PRLR: variants seen among roughly 807,000 people sequenced by gnomAD.
PRLR encodes the protein hPRL receptor.
Under a neutral mutation model 40.2 loss-of-function variants are expected in PRLR, and 13 were observed. The observed-to-expected ratio is 0.32, with a 90% confidence interval of 0.21 to 0.51. The LOEUF (loss-of-function observed/expected upper bound fraction) is 0.51, where lower values mean the gene tolerates loss of function less well. PRLR is among the 20% of genes least tolerant of loss of function. The pLI is 0.97. For missense variants in PRLR, 656 were observed against 747.3 expected (o/e 0.88, Z 1.42); for synonymous variants, 269 against 278.7 (o/e 0.97, Z 0.35).
chr5:35,122,891 T>C (rs1306775000), intron 1 of PRLR, among the ~76,000 whole-genome samples: 1 of 152,100 alleles, frequency 6.6e-6, no homozygotes, highest in Non-Finnish European at 1.5e-5. Flanking sequence ...AATTACAAAA[T>C]CTTGATTGAG....
At chr5:35,174,404 T>C (rs955102404) in intron 1 of PRLR, among the ~76,000 whole-genome samples, 7 of 152,222 alleles carry the variant, frequency 4.6e-5, no homozygotes, top group East Asian at 1.9e-4. Context: ...TGGGTTTTTT[T>C]CTACATCGAC....
intron 1 of PRLR, among the ~76,000 whole-genome samples, chr5:35,181,013 A>G (rs1775282728): frequency 6.6e-6 from 1 of 152,200 alleles, no homozygotes; most frequent in South Asian, 2.1e-4. Context: ...GCAGTTGTAC[A>G]TAGTAGGTAT....
At chr5:35,214,661 C>A (rs1170476207) in intron 1 of PRLR, among the ~76,000 whole-genome samples, 1 of 152,150 alleles carries the variant, frequency 6.6e-6, no homozygotes, top group Non-Finnish European at 1.5e-5. Flanking sequence ...AAATGTATTC[C>A]TCTTGTATTC....
chr5:35,213,191 G>A (rs1410427855), intron 1 of PRLR, among the ~76,000 whole-genome samples: 1 of 152,140 alleles, frequency 6.6e-6, no homozygotes, highest in Non-Finnish European at 1.5e-5. Context: ...TGTAAAAGGA[G>A]ATCCCCATGA....
At chr5:35,132,400 T>G (rs1281511219) in intron 1 of PRLR, among the ~76,000 whole-genome samples, 1 of 152,180 alleles carries the variant, frequency 6.6e-6, no homozygotes, top group Non-Finnish European at 1.5e-5. Context: ...AATCTGGATA[T>G]ATATTATTTT....
At chr5:35,173,805 T>A (rs1241317003) in intron 1 of PRLR, among the ~76,000 whole-genome samples, 1 of 152,190 alleles carries the variant, frequency 6.6e-6, no homozygotes, top group Non-Finnish European at 1.5e-5. Flanking sequence ...AGGGTAGTTT[T>A]TTTTTGTTGT....
At chr5:35,196,962 T>C (rs574843151) in intron 1 of PRLR, among the ~76,000 whole-genome samples, 1 of 152,288 alleles carries the variant, frequency 6.6e-6, no homozygotes, top group African/African-American at 2.4e-5. Context: ...GAGAGCTCTC[T>C]GGGACCCTTT....
intron 1 of PRLR, among the ~76,000 whole-genome samples, chr5:35,197,409 C>A (rs767271762): frequency 4.6e-5 from 7 of 152,206 alleles, no homozygotes; most frequent in Non-Finnish European, 1.0e-4. Context: ...CCAGGTCTAC[C>A]CAAGTGCGGG....
rs999143620 is a variant in PRLR, at chr5:35,063,121, C to G, written c.*1968G>C. The G allele has an allele frequency of 1.3e-5, 2 of 152,206 alleles. No individual in the cohort carries two copies. Among genetic ancestry groups the G allele is most frequent in the Non-Finnish European group, 2.9e-5 (2 of 68,032 alleles). 9.4% of individuals were successfully genotyped at this position (152,206 alleles called of 1,614,324 possible). On this transcript the variant is annotated 3_prime_UTR_variant, in exon 10 of 10. Coordinates refer to ENST00000618457, the MANE Select transcript of PRLR (RefSeq NM_000949.7). ...GATGCCTATGCAGTTGGTTCTCAGA[C>G]AGTTAAAGTATCGAGGATTTAGGGG...
intron 2 of PRLR, among the ~76,000 whole-genome samples, chr5:35,096,185 T>C (rs891002308): frequency 6.6e-6 from 1 of 152,250 alleles, no homozygotes; most frequent in Non-Finnish European, 1.5e-5. Flanking sequence ...ATACGATATA[T>C]GTGCCTTTGC....
chr5:35,091,108 G>A (rs897213256), intron 2 of PRLR, among the ~76,000 whole-genome samples: 5 of 152,092 alleles, frequency 3.3e-5, no homozygotes, highest in South Asian at 2.1e-4. Context: ...CACCGTGCCC[G>A]GCCAAGTAGC....
At chr5:35,109,944 A>G (rs1772542717) in intron 2 of PRLR, among the ~76,000 whole-genome samples, 1 of 152,358 alleles carries the variant, frequency 6.6e-6, no homozygotes, top group East Asian at 1.9e-4. Flanking sequence ...ACTATTCACA[A>G]TAGCAAAGGC....
At chr5:35,080,095 A>AACCT (rs1343352388) in intron 5 of PRLR, among the ~76,000 whole-genome samples, 36 of 152,344 alleles carry the variant, frequency 2.4e-4, no homozygotes, top group African/African-American at 7.9e-4. Flanking sequence ...TCTAGAAGAA[A>AACCT]ACCTAGGCAA....
intron 2 of PRLR, among the ~76,000 whole-genome samples, chr5:35,097,942 AG>A (rs546301822): frequency 6.6e-6 from 1 of 152,124 alleles, no homozygotes; most frequent in Non-Finnish European, 1.5e-5. Flanking sequence ...GCAGTGGAGG[AG>A]GCAGAGTGGC....
At chr5:35,079,510 G>A (rs1190969063) in intron 5 of PRLR, among the ~76,000 whole-genome samples, 1 of 152,208 alleles carries the variant, frequency 6.6e-6, no homozygotes, top group Non-Finnish European at 1.5e-5. Flanking sequence ...GGGATGTGAA[G>A]GACCTCTTCA....
intron 5 of PRLR, among the ~76,000 whole-genome samples, chr5:35,078,591 A>C (rs1357954942): frequency 1.3e-5 from 2 of 152,098 alleles, no homozygotes; most frequent in Non-Finnish European, 2.9e-5. Context: ...AAAAAAGTCC[A>C]GGACCAGACG....
intron 1 of PRLR, among the ~76,000 whole-genome samples, chr5:35,157,911 A>G (rs1579744445): frequency 1.3e-5 from 2 of 152,308 alleles, no homozygotes; most frequent in East Asian, 3.9e-4. Context: ...CTGATTTTCA[A>G]TTAATACATT....
At chr5:35,191,043 A>ATTTT (rs1775587875) in intron 1 of PRLR, among the ~76,000 whole-genome samples, 1 of 98,698 alleles carries the variant, frequency 1.0e-5, no homozygotes, top group Non-Finnish European at 2.0e-5. Flanking sequence ...CAGATGTGTT[A>ATTTT]TTTTCTTTTT....
At chr5:35,049,339 C>A (rs1768395574) in exon 9 of PRLR, 1 of 703,036 alleles carries the variant, frequency 1.4e-6, no homozygotes, top group African/African-American at 1.7e-5. Context: ...TCTTCCTTGA[C>A]TTGAGATTTT....
Sources: allele counts gnomAD v4.1 joint callset (sites outside exome capture counted in the v4.1 genomes callset), GRCh38; gene constraint gnomAD v4.1.1; transcripts MANE v1.5; gene names NCBI Gene and HGNC (gene_info 2026-07-23, HGNC 2026-07-21).